ATP11C: variants seen among roughly 807,000 people sequenced by gnomAD.
ATP11C encodes ATPase phospholipid transporting 11C (ATP11C blood group), also known as phospholipid-transporting ATPase IG.
A neutral mutation model predicts 97.4 loss-of-function variants in ATP11C; 36 were observed. That is an observed-to-expected ratio of 0.37 (90% CI 0.28 to 0.49). The LOEUF (loss-of-function observed/expected upper bound fraction) is 0.49, where lower values mean the gene tolerates loss of function less well. Among genes scored for constraint, ATP11C ranks in the 20% least tolerant of loss-of-function variants. The pLI is 0.98. For missense variants in ATP11C, 730 were observed against 824.6 expected (o/e 0.89, Z 1.40); for synonymous variants, 275 against 290.9 (o/e 0.95, Z 0.56).
intron 24 of ATP11C, among the ~76,000 whole-genome samples, chrX:139,747,531 C>G (rs143247520): frequency 0.017 from 1,848 of 111,503 alleles, 28 homozygotes; most frequent in African/African-American, 0.057. Flanking sequence ...ATACCAGAAC[C>G]CTTTCTTTTG....
In ATP11C at chrX:139,824,505, G is replaced by A. The variant is rs768231601; in HGVS notation, c.147+2199C>T. Among the ~76,000 whole-genome samples the A allele has an allele frequency of 1.4e-4, 16 of 111,781 alleles. No homozygotes were observed. The Admixed American group carries it at 1.5e-3, about 11-fold the overall frequency. On this transcript the variant is annotated intron_variant, in intron 2 of 29. Transcript: ENST00000682941. ...TCACGAGACCATCCTGGCTAACCCA[G>A]TGAAACCCCATCTCTACTAAAAATA...
intron 12 of ATP11C, among the ~76,000 whole-genome samples, chrX:139,794,697 C>T (rs936594903): frequency 8.9e-6 from 1 of 111,834 alleles, no homozygotes; most frequent in African/African-American, 3.2e-5. Context: ...AGACTGCATT[C>T]CCATAGGTAA....
chrX:139,919,009 G>A (rs1308325697), intron 1 of ATP11C, among the ~76,000 whole-genome samples: 4 of 111,825 alleles, frequency 3.6e-5, no homozygotes, highest in Non-Finnish European at 7.5e-5. Flanking sequence ...GGGAGGCTGA[G>A]GAGGGTGCAT....
rs187070901 is a variant in ATP11C, at chrX:139,872,239, A to C, written c.28-45416T>G. On this transcript the variant is annotated intron_variant, in intron 1 of 29. Transcript: ENST00000682941. ...TGACACAGAACAAAGTTTATAAAAG[A>C]AGCTTCTAGGTTCAGGATTTTCCCA... is the stretch of plus-strand genomic sequence containing the variant. Among the ~76,000 whole-genome samples the C allele has an allele frequency of 1.0e-3, 92 of 90,079 alleles. 1 individual carries two copies. Among genetic ancestry groups the C allele is most frequent in the African/African-American group, 3.7e-3 (86 of 23,392 alleles). 78.2% of individuals were successfully genotyped at this position (90,079 alleles called of 115,157 possible). A position where few individuals can be genotyped will look rare whatever the true frequency, so the allele number is the denominator to read the frequency against.
At chrX:139,732,826 T>G (rs1224512367) in intron 28 of ATP11C, among the ~76,000 whole-genome samples, 1 of 111,360 alleles carries the variant, frequency 9.0e-6, no homozygotes, top group Non-Finnish European at 1.9e-5. Flanking sequence ...TAAAATATGC[T>G]TCTCGTTAAA....
At chrX:139,892,556 G>A (rs917784438) in intron 1 of ATP11C, among the ~76,000 whole-genome samples, 3 of 111,727 alleles carry the variant, frequency 2.7e-5, no homozygotes, top group African/African-American at 9.8e-5. Flanking sequence ...AAGAAAACAT[G>A]TTCCTACCTT....
At chrX:139,761,702 C>T (rs965281817) in intron 22 of ATP11C, among the ~76,000 whole-genome samples, 7 of 111,077 alleles carry the variant, frequency 6.3e-5, no homozygotes, top group African/African-American at 2.0e-4. Context: ...GAACTGTACA[C>T]TTTTGATGAA....
At chrX:139,933,177 C>T (rs769183882), upstream of ATP11C, 1 of 110,609 alleles carries the variant, frequency 9.0e-6, no homozygotes, top group Non-Finnish European at 1.9e-5. Flanking sequence ...CCAACCGTCC[C>T]CCTACTTCGC....
chrX:139,933,748 A>G (rs1244097788), upstream of ATP11C, among the ~76,000 whole-genome samples: 2 of 112,096 alleles, frequency 1.8e-5, no homozygotes, highest in African/African-American at 6.5e-5. Context: ...CTTTACTACT[A>G]GGCATAGGCG....
At chrX:139,849,868 A>G (rs2083962780) in intron 1 of ATP11C, among the ~76,000 whole-genome samples, 1 of 112,151 alleles carries the variant, frequency 8.9e-6, no homozygotes, top group South Asian at 3.7e-4. Flanking sequence ...GGTTATCATG[A>G]GAGTGGATTG....
At chrX:139,769,598 C>T (rs2082214913) in intron 19 of ATP11C, among the ~76,000 whole-genome samples, 1 of 109,319 alleles carries the variant, frequency 9.1e-6, no homozygotes, top group Admixed American at 9.9e-5. Context: ...TAGTGTAAAA[C>T]TTACAAATGA....
At chrX:139,838,510 G>T (rs1203446246) in intron 1 of ATP11C, among the ~76,000 whole-genome samples, 1 of 111,819 alleles carries the variant, frequency 8.9e-6, no homozygotes, top group Non-Finnish European at 1.9e-5. Context: ...GCTCCTATGA[G>T]AAACAGTTTG....
At chrX:139,847,399 A>ACTAG (rs200623383) in intron 1 of ATP11C, among the ~76,000 whole-genome samples, 5,288 of 108,703 alleles carry the variant, frequency 0.049, 239 homozygotes, top group East Asian at 0.29. Context: ...AAACAAACAA[A>ACTAG]CTAGCTATGT....
In ATP11C at chrX:139,820,399, C is replaced by CA. The variant is rs2083383326; in HGVS notation, c.148-973dup. On this transcript the variant is annotated intron_variant, in intron 2 of 29. Coordinates refer to ENST00000682941, the MANE Select transcript of ATP11C (RefSeq NM_001353812.2). ...CTGGGCGACAAAGTGAGACCTGCCTCAAAAATAAATAAATAATAAAATAAA... is the reference window on the plus strand; with the variant it reads ...CTGGGCGACAAAGTGAGACCTGCCTCAAAAAATAAATAAATAATAAAATAAA... 2.7e-5 allele frequency among the ~76,000 whole-genome samples: 3 copies of CA among 109,855 alleles called. No individual in the cohort carries two copies. The South Asian group carries it at 1.2e-3, about 43-fold the overall frequency.
intron 28 of ATP11C, among the ~76,000 whole-genome samples, chrX:139,737,407 G>C (rs928521794): frequency 3.6e-5 from 4 of 110,962 alleles, no homozygotes; most frequent in African/African-American, 1.3e-4. Flanking sequence ...ACCACATCCA[G>C]GGAATTCTCT....
intron 25 of ATP11C, among the ~76,000 whole-genome samples, chrX:139,744,849 T>G (rs541392666): frequency 8.9e-6 from 1 of 111,811 alleles, no homozygotes; most frequent in South Asian, 3.7e-4. Context: ...TGATTTTTGT[T>G]AGTCCAAATT....
chrX:139,805,621 A>G (rs1322429557), intron 5 of ATP11C, among the ~76,000 whole-genome samples: 1 of 112,054 alleles, frequency 8.9e-6, no homozygotes, highest in Non-Finnish European at 1.9e-5. Context: ...TGAAAATTAT[A>G]AATAATACTT....
intron 11 of ATP11C, among the ~76,000 whole-genome samples, 192 bp downstream of exon 11, chrX:139,796,984 C>CA (rs1046862214): frequency 1.8e-5 from 2 of 109,021 alleles, no homozygotes; most frequent in African/African-American, 3.4e-5. Context: ...GTTTTTTTTA[C>CA]AAAAAAAACT....
chrX:139,744,859 TAG>T lies in ATP11C; in HGVS notation c.2964+861_2964+862del, dbSNP rs745971393. Among the ~76,000 whole-genome samples, 56 of 111,721 alleles carry T rather than the reference TAG, an allele frequency of 5.0e-4. No individual in the cohort carries two copies. The East Asian group carries it at 0.012, about 23-fold the overall frequency. On this transcript the variant is annotated intron_variant, in intron 25 of 29. Transcript: ENST00000682941. ...TAAACTGATTTTTGTTAGTCCAAAT[TAG>T]AGAGGTTTTGACTGTAGTGCCTAAT...
Sources: allele counts gnomAD v4.1 joint callset (sites outside exome capture counted in the v4.1 genomes callset), GRCh38; gene constraint gnomAD v4.1.1; transcripts MANE v1.5; gene names NCBI Gene and HGNC (gene_info 2026-07-23, HGNC 2026-07-21).